PKHD1L1: variants seen among roughly 807,000 people sequenced by gnomAD.
PKHD1L1 encodes the protein fibrocystin-L.
Under a neutral mutation model 462.9 loss-of-function variants are expected in PKHD1L1, and 434 were observed. That is an observed-to-expected ratio of 0.94 (90% confidence interval 0.87 to 1.02). The LOEUF is 1.02. PKHD1L1 is among the 50% of genes least tolerant of loss of function. The probability of loss-of-function intolerance (pLI) is 0.00; values close to 1 mark genes in which losing one functional copy is unlikely to be tolerated. For missense variants in PKHD1L1, 5,202 were observed against 5,096.1 expected (o/e 1.02, Z -0.63); for synonymous variants, 1,781 against 1,750.0 (o/e 1.02, Z -0.44).
intron 76 of PKHD1L1, 62 bp downstream of exon 76, chr8:109,523,448 T>C: frequency 7.0e-7 from 1 of 1,433,480 alleles, no homozygotes; most frequent in Non-Finnish European, 9.5e-7. Context: ...TATAATGTTC[T>C]TTTAATGAAC....
chr8:109,498,895 A>G, intron 67 of PKHD1L1, 124 bp downstream of exon 67: 1 of 848,372 alleles, frequency 1.2e-6, no homozygotes, highest in Non-Finnish European at 1.8e-6. Flanking sequence ...AATCTGCTCA[A>G]TATGACAAAG....
rs1563571158 is a variant in PKHD1L1, at chr8:109,461,852, T to C, written c.7327T>C (p.Phe2443Leu). ...TGACCAATTTGGAGGCTGCGTTATG[T>C]TTCATGCTCCTGTACCTGGTGCTAA... ...GSDQFGGCVM[F>L]HAPVPGANMV... The change falls in exon 48 of 78, where the codon TTT (phenylalanine) becomes CTT (leucine). Residue 2443 changes from phenylalanine (F) to leucine (L), a missense_variant. Transcript: ENST00000378402. 1 of 1,606,406 alleles carries C rather than the reference T, an allele frequency of 6.2e-7. No individual in the cohort carries two copies.
rs536115131 is a variant in PKHD1L1 at position 109,448,301 on chromosome 8, G to A, written c.5935G>A (p.Val1979Ile). The change falls in exon 39 of 78, where the codon GTT becomes ATT. Residue 1979 changes from valine (V) to isoleucine (I), a missense_variant. Around this residue, in one of 3 missense-constraint regions of PKHD1L1, gnomAD observed 4,497 missense variants for 4,336.8 expected, o/e 1.04. Transcript: ENST00000378402. Reference protein sequence around the residue: ...VGDHAGGTFPVMMHHKTKGSA... With the variant: ...VGDHAGGTFPIMMHHKTKGSA... ...AGATCATGCTGGGGGCACATTTCCT[G>A]TTATGATGCATCATAAGACAAAAGG... 3.1e-6 allele frequency: 5 copies of A among 1,613,418 alleles called. No homozygotes were observed. Among genetic ancestry groups the A allele is most frequent in the Middle Eastern group, 1.7e-4 (1 of 6,060 alleles).
rs1816019371 is a variant in PKHD1L1 at position 109,444,725 on chromosome 8, T to TTGTAATTGACATGTAATTGACA, written c.4858_4859insTAATTGACATGTAATTGACATG (p.Asp1620ValfsTer5). The TTGTAATTGACATGTAATTGACA allele has an allele frequency of 6.2e-7, 1 of 1,613,856 alleles. No individual in the cohort carries two copies. Among genetic ancestry groups the TTGTAATTGACATGTAATTGACA allele is most frequent in the African/African-American group, 1.3e-5 (1 of 74,928 alleles). The stretch of plus-strand genomic sequence containing the variant: ...AGTGAGGATTCAATTACATGTCATA[T>TTGTAATTGACATGTAATTGACA]TGACCCTCAAAACTCAATGGATGTT... On this transcript the variant is annotated stop_gained and frameshift_variant, in exon 38 of 78. Coordinates refer to ENST00000378402, the MANE Select transcript of PKHD1L1 (RefSeq NM_177531.6). LOFTEE classifies it high-confidence loss of function.
chr8:109,504,398 A>G lies in PKHD1L1; in HGVS notation c.10900A>G (p.Asn3634Asp). 1.3e-6 allele frequency: 2 copies of G among 1,555,966 alleles called. No individual in the cohort carries two copies. The highest frequency in any genetic ancestry group is 1.8e-6 in the Non-Finnish European group (2 of 1,139,768). ...TGTTATATTCATTACTAACCCTTTA[A>G]ATGAGGATTTACAGCATCCAATCCA... is the stretch of plus-strand genomic sequence containing the variant. The part of the protein sequence containing the change: ...TNVIFITNPL[N>D]EDLQHPIHVK... The change falls in exon 68 of 78, where the codon AAT becomes GAT. Residue 3634 changes from asparagine (N) to aspartate (D), a missense_variant. This residue lies in a region of PKHD1L1 where 698 missense variants were observed against 736.3 expected (regional missense o/e 0.95). Coordinates refer to ENST00000378402, the MANE Select transcript of PKHD1L1 (RefSeq NM_177531.6).
intron 46 of PKHD1L1, among the ~76,000 whole-genome samples, chr8:109,458,379 C>A (rs1014550190): frequency 6.6e-6 from 1 of 150,666 alleles, no homozygotes; most frequent in African/African-American, 2.4e-5. Context: ...TTCTTCCCCC[C>A]ACGAATTCAT....
At chr8:109,452,580 A>T in intron 42 of PKHD1L1, 138 bp from the exon 43 acceptor site, 1 of 458,768 alleles carries the variant, frequency 2.2e-6, no homozygotes, top group Non-Finnish European at 3.2e-6. Flanking sequence ...TTTTATTATT[A>T]ATAAAATGCT....
chr8:109,497,880 G>A (rs2130941662), intron 65 of PKHD1L1, among the ~76,000 whole-genome samples: 1 of 152,056 alleles, frequency 6.6e-6, no homozygotes, highest in Admixed American at 6.5e-5. Context: ...TGTGCCTACT[G>A]TTCCCTGGAT....
rs1418090698 is a variant in PKHD1L1 at position 109,532,945 on chromosome 8, C to T, written c.*2855C>T. ...CTATGCTGTGTGTTCTACATGGACC[C>T]TTTCCTTACAGCAATCCTATGAGGA... On this transcript the variant is annotated 3_prime_UTR_variant, in exon 78 of 78. Transcript: ENST00000378402. 2.6e-5 allele frequency among the ~76,000 whole-genome samples: 4 copies of T among 152,242 alleles called. No individual in the cohort carries two copies. The highest frequency in any genetic ancestry group is 4.4e-5 in the Non-Finnish European group (3 of 68,042).
At position 109,475,263 on chromosome 8, in the gene PKHD1L1, A is replaced by T. The variant is rs377220838; in HGVS notation, c.8751A>T (p.Gly2917=). ...TTTCATATACATCGACATTCTATGG[A>T]TTCAAGGTAAAAATATTTATCTTCT... ...TNISYTSTFY[G]FKEEDYVIIS... Residue 2917 remains glycine, a synonymous_variant, in exon 51 of 78, where the codon GGA becomes GGT. Transcript: ENST00000378402. The T allele has an allele frequency of 3.1e-6, 5 of 1,601,144 alleles. No individual in the cohort carries two copies. In the African/African-American group the frequency reaches 6.7e-5, roughly 21 times the overall value.
intron 24 of PKHD1L1, among the ~76,000 whole-genome samples, chr8:109,426,686 C>T (rs972474814): frequency 1.3e-5 from 2 of 152,054 alleles, no homozygotes; most frequent in Admixed American, 6.5e-5. Context: ...GACGGAGTCT[C>T]GCTGTCACCA....
At chr8:109,416,188 A>G (rs144839064) in intron 21 of PKHD1L1, among the ~76,000 whole-genome samples, 2 of 152,330 alleles carry the variant, frequency 1.3e-5, no homozygotes, top group East Asian at 3.9e-4. Context: ...CACAAAAGTC[A>G]TGCTTCATAT....
intron 62 of PKHD1L1, 125 bp downstream of exon 62, chr8:109,492,119 C>T (rs1252958785): frequency 4.0e-6 from 3 of 748,204 alleles, no homozygotes; most frequent in Non-Finnish European, 3.7e-6. Context: ...GTTTCGATGG[C>T]CATTGATTTT....
At chr8:109,430,680 T>C (rs1241534542) in intron 27 of PKHD1L1, among the ~76,000 whole-genome samples, 1 of 152,036 alleles carries the variant, frequency 6.6e-6, no homozygotes, top group Non-Finnish European at 1.5e-5. Context: ...AAAAATAAAC[T>C]CATATGCTAT....
intron 61 of PKHD1L1, among the ~76,000 whole-genome samples, chr8:109,491,556 T>C (rs963871161): frequency 2.6e-5 from 4 of 151,872 alleles, no homozygotes; most frequent in African/African-American, 4.8e-5. Flanking sequence ...TTTTTGTCAA[T>C]ATGAAGTATA....
At chr8:109,416,100 T>C (rs1814155820) in intron 21 of PKHD1L1, among the ~76,000 whole-genome samples, 1 of 152,002 alleles carries the variant, frequency 6.6e-6, no homozygotes, top group Non-Finnish European at 1.5e-5. Flanking sequence ...GAGGTAGGAG[T>C]CCACAGTCCA....
At chr8:109,387,182 C>T (rs1812486268) in intron 6 of PKHD1L1, among the ~76,000 whole-genome samples, 1 of 152,150 alleles carries the variant, frequency 6.6e-6, no homozygotes. Flanking sequence ...ACCTGCTTCT[C>T]ACAAATCTTG....
At chr8:109,432,940 A>T (rs939870318) in intron 27 of PKHD1L1, among the ~76,000 whole-genome samples, 166 bp from the exon 28 acceptor site, 1 of 152,250 alleles carries the variant, frequency 6.6e-6, no homozygotes, top group African/African-American at 2.4e-5. Context: ...TGGAAATAAA[A>T]TGCCATTGAC....
At chr8:109,369,558 G>A (rs1291388622) in intron 2 of PKHD1L1, among the ~76,000 whole-genome samples, 1 of 151,892 alleles carries the variant, frequency 6.6e-6, no homozygotes, top group Non-Finnish European at 1.5e-5. Flanking sequence ...AATGGTTGTT[G>A]TCTTGAGAAT....
Sources: gnomAD v4.1 joint callset for allele counts (sites outside exome capture counted in the v4.1 genomes callset) on GRCh38, gnomAD v4.1.1 for gene constraint, gnomAD v4.1.1 regional missense constraint, MANE v1.5 for transcripts, NCBI Gene and HGNC (gene_info 2026-07-23, HGNC 2026-07-21) for gene names.